PCNX2: variants seen among roughly 807,000 people sequenced by gnomAD.
PCNX2 encodes pecanex 2, also known as pecanex-like protein 2.
PCNX2 carries 168 observed loss-of-function variants against 223.8 expected under a neutral mutation model. That is an observed-to-expected ratio of 0.75 (90% CI 0.66 to 0.85). The LOEUF (loss-of-function observed/expected upper bound fraction) is 0.85. PCNX2 is among the 40% of genes least tolerant of loss of function. PCNX2 has a pLI of 0.00. For missense variants in PCNX2, 2,507 were observed against 2,675.5 expected (o/e 0.94, Z 1.39); for synonymous variants, 1,006 against 1,052.6 (o/e 0.96, Z 0.86).
At chr1:233,299,986 C>A (rs927950442), upstream of PCNX2, among the ~76,000 whole-genome samples, 3 of 151,014 alleles carry the variant, frequency 2.0e-5, no homozygotes, top group Non-Finnish European at 4.5e-5. Flanking sequence ...TCCCTTTAAA[C>A]TCATCTCTGA....
At chr1:233,311,293 C>T in the PCNX2 span, among the ~76,000 whole-genome samples, 1 of 152,190 alleles carries the variant, frequency 6.6e-6, no homozygotes, top group African/African-American at 2.4e-5. Flanking sequence ...TGTTGAACAA[C>T]TAAGGAACAA....
At chr1:233,194,083 C>T (rs1486367058) in intron 15 of PCNX2, among the ~76,000 whole-genome samples, 1 of 150,948 alleles carries the variant, frequency 6.6e-6, no homozygotes, top group Non-Finnish European at 1.5e-5. Context: ...AAAAAAAACG[C>T]CATACACTTA....
At chr1:233,211,687 G>T in intron 12 of PCNX2, 14 of 822,434 alleles carry the variant, frequency 1.7e-5, no homozygotes, top group Non-Finnish European at 1.9e-5. Flanking sequence ...CCATTTGCCT[G>T]GCTTCCTCTA....
At position 232,990,883 on chromosome 1, in the gene PCNX2, C is replaced by T. The variant is rs532168964; in HGVS notation, c.5792-4343G>A. 1.6e-4 allele frequency among the ~76,000 whole-genome samples: 25 copies of T among 152,302 alleles called. No homozygotes were observed. Among genetic ancestry groups the T allele is most frequent in the East Asian group, 5.8e-4 (3 of 5,168 alleles). ...CGGACCTTGGGCCTACTTGCAGGCACGTGCACCCCCAGACGGGCATGTGAA... is the reference window on the plus strand; with the variant it reads ...CGGACCTTGGGCCTACTTGCAGGCATGTGCACCCCCAGACGGGCATGTGAA... On this transcript the variant is annotated intron_variant, in intron 32 of 33. Coordinates refer to ENST00000258229, the MANE Select transcript of PCNX2 (RefSeq NM_014801.4). The surrounding 1 kb of genome is among the most constrained non-coding windows in gnomAD (Gnocchi z 4.3).
chr1:232,987,897 G>A (rs535320085), intron 32 of PCNX2, among the ~76,000 whole-genome samples: 2 of 152,306 alleles, frequency 1.3e-5, no homozygotes, highest in East Asian at 1.9e-4. Context: ...TCTCCTGCCC[G>A]TGTGTTGACA....
At chr1:233,100,283 C>T (rs1020899306) in intron 21 of PCNX2, among the ~76,000 whole-genome samples, 1 of 151,706 alleles carries the variant, frequency 6.6e-6, no homozygotes, top group South Asian at 2.1e-4. Context: ...CGTGGTGGCT[C>T]GCACCTATAA....
intron 9 of PCNX2, among the ~76,000 whole-genome samples, chr1:233,227,914 T>C (rs758147968): frequency 6.6e-6 from 1 of 152,042 alleles, no homozygotes; most frequent in African/African-American, 2.4e-5. Flanking sequence ...TAGACCCAGA[T>C]AGTAAAAGTT....
At chr1:233,062,693 G>A (rs1005114415) in intron 23 of PCNX2, among the ~76,000 whole-genome samples, 1 of 152,068 alleles carries the variant, frequency 6.6e-6, no homozygotes, top group African/African-American at 2.4e-5. Context: ...TTTTCGCTGG[G>A]TGTCCAGGCA....
At chr1:233,024,931 G>C (rs770841112) in intron 26 of PCNX2, among the ~76,000 whole-genome samples, 13 of 152,160 alleles carry the variant, frequency 8.5e-5, no homozygotes, top group Non-Finnish European at 1.9e-4. Context: ...GCTTATTGGT[G>C]CCTAAGCTTA....
At chr1:233,286,815 G>A (rs1339284163) in intron 1 of PCNX2, among the ~76,000 whole-genome samples, 6 of 152,000 alleles carry the variant, frequency 3.9e-5, no homozygotes, top group African/African-American at 1.2e-4. Flanking sequence ...GCTCTCCAAA[G>A]CCAAGGACAT....
chr1:232,991,829 ACTT>A lies in PCNX2; in HGVS notation c.5792-5292_5792-5290del, dbSNP rs796879639. ...AAGCCTGCCCACACCTGGATCTCAG[ACTT>A]CCAGCCTCCAGAACTGGCAGACAGT... On this transcript the variant is annotated intron_variant, in intron 32 of 33. Transcript: ENST00000258229. The surrounding 1 kb of genome is among the most constrained non-coding windows in gnomAD (Gnocchi z 4.3). 5.9e-5 allele frequency among the ~76,000 whole-genome samples: 9 copies of A among 152,232 alleles called. No homozygotes were observed. Among genetic ancestry groups the A allele is most frequent in the African/African-American group, 2.2e-4 (9 of 41,558 alleles).
At chr1:233,166,091 G>A (rs944645314) in intron 17 of PCNX2, among the ~76,000 whole-genome samples, 7 of 152,054 alleles carry the variant, frequency 4.6e-5, no homozygotes, top group African/African-American at 1.7e-4. Context: ...TTCGACAAAA[G>A]TGCAATGGTG....
chr1:233,258,622 T>C lies in PCNX2; in HGVS notation c.1240A>G (p.Asn414Asp), dbSNP rs1244239259. The C allele has an allele frequency of 9.9e-6, 16 of 1,613,836 alleles. No homozygotes were observed. Among genetic ancestry groups the C allele is most frequent in the Admixed American group, 1.7e-5 (1 of 60,004 alleles). The change falls in exon 5 of 34, where the codon AAC (asparagine) becomes GAC (aspartate). Residue 414 changes from asparagine to aspartate, a missense_variant. Physicochemically the swap from Asn to Asp is conservative, Grantham distance 23 (BLOSUM62 1). Coordinates refer to ENST00000258229, the MANE Select transcript of PCNX2 (RefSeq NM_014801.4). ...TSVKSDAEPTNPGAAGSPNAE... is the reference protein window; with the variant it reads ...TSVKSDAEPTDPGAAGSPNAE... ...TTTGGAGAACCGGCCGCCCCTGGGT[T>C]AGTGGGCTCAGCGTCAGACTTTACA...
intron 21 of PCNX2, among the ~76,000 whole-genome samples, chr1:233,112,472 T>C (rs1303849033): frequency 6.6e-6 from 1 of 152,230 alleles, no homozygotes; most frequent in East Asian, 1.9e-4. Flanking sequence ...CTGAAGCCAC[T>C]CAAGTAGCCT....
Position 233,000,402 on chromosome 1 carries a change from T to C in PCNX2, c.5231A>G (p.Glu1744Gly), listed in dbSNP as rs752015697. 1.2e-6 allele frequency: 2 copies of C among 1,611,858 alleles called. No individual in the cohort carries two copies. The highest frequency in any genetic ancestry group is 1.7e-6 in the Non-Finnish European group (2 of 1,178,506). Reference sequence around the variant, plus strand: ...CACGTGCCGCAGGGTGAGCAGCTCTTCCTTGTTGGACAGCACTGCGCCCCG... The same window carrying C: ...CACGTGCCGCAGGGTGAGCAGCTCTCCCTTGTTGGACAGCACTGCGCCCCG... ...AWRGAVLSNK[E>G]ELLTLRHVVD... is the part of the protein sequence containing the mutation. Residue 1744 changes from glutamate (E) to glycine (G), a missense_variant, in exon 30 of 34, where the codon GAA becomes GGA. Around this residue, in one of 3 missense-constraint regions of PCNX2, gnomAD observed 1,372 missense variants for 1,509.4 expected, o/e 0.91. Coordinates refer to ENST00000258229, the MANE Select transcript of PCNX2 (RefSeq NM_014801.4). The surrounding 1 kb of genome is among the most constrained non-coding windows in gnomAD (Gnocchi z 4.6).
intron 26 of PCNX2, among the ~76,000 whole-genome samples, chr1:233,017,691 T>G (rs928700176): frequency 6.6e-6 from 1 of 152,192 alleles, no homozygotes; most frequent in South Asian, 2.1e-4. Flanking sequence ...ATAGTATCAC[T>G]TGTATTTTCT....
chr1:233,042,316 G>T, intron 25 of PCNX2, among the ~76,000 whole-genome samples: 1 of 152,100 alleles, frequency 6.6e-6, no homozygotes, highest in African/African-American at 2.4e-5. Flanking sequence ...TCCCTCACTT[G>T]CCACTGTAGC....
chr1:233,262,299 G>T (rs970094700), intron 2 of PCNX2, 134 bp from the exon 3 acceptor site: 1 of 1,176,036 alleles, frequency 8.5e-7, no homozygotes, highest in Non-Finnish European at 1.2e-6. Flanking sequence ...ATCTTTTTTT[G>T]TTGTTGTTAA....
At chr1:233,224,622 T>C (rs1431301603) in intron 10 of PCNX2, among the ~76,000 whole-genome samples, 1 of 152,128 alleles carries the variant, frequency 6.6e-6, no homozygotes, top group Non-Finnish European at 1.5e-5. Context: ...GGGATTATGC[T>C]CTCCTTGCAA....
Sources: gnomAD v4.1 joint callset for allele counts (sites outside exome capture counted in the v4.1 genomes callset) on GRCh38, gnomAD v4.1.1 for gene constraint, gnomAD v4.1.1 regional missense constraint, Gnocchi (gnomAD v3.1) non-coding constraint, MANE v1.5 for transcripts, NCBI Gene and HGNC (gene_info 2026-07-23, HGNC 2026-07-21) for gene names.